Variants in PIK3C2G observed in about 807,000 individuals in gnomAD.
The protein encoded by PIK3C2G is phosphatidylinositol 3-kinase C2 domain-containing subunit gamma.
Under a neutral mutation model 181.1 loss-of-function variants are expected in PIK3C2G, and 168 were observed. The ratio of observed to expected loss-of-function variants is 0.93; its 90% CI spans 0.82 to 1.05. The LOEUF is 1.05. Ranked by LOEUF, PIK3C2G falls within the 50% of genes least tolerant of loss-of-function variation. The pLI is 0.00. For missense variants in PIK3C2G, 1,869 were observed against 1,732.8 expected, an observed-to-expected ratio of 1.08 and a Z score of -1.40; for synonymous variants, 573 against 592.2, an observed-to-expected ratio of 0.97 and a Z score of 0.47.
intron 8 of PIK3C2G, among the ~76,000 whole-genome samples, chr12:18,337,571 T>C (rs1484913027): frequency 6.6e-6 from 1 of 152,138 alleles, no homozygotes; most frequent in Non-Finnish European, 1.5e-5. Flanking sequence ...AAGCTTGCAA[T>C]CATAGCAGAA....
intron 11 of PIK3C2G, among the ~76,000 whole-genome samples, chr12:18,348,347 T>TGTGC (rs1428385652): frequency 4.3e-4 from 65 of 152,082 alleles, no homozygotes; most frequent in African/African-American, 1.4e-3. Flanking sequence ...TGTGTGTGTG[T>TGTGC]GCGTATGAAT....
chr12:18,350,213 T>C (rs1247170325), intron 11 of PIK3C2G, among the ~76,000 whole-genome samples: 1 of 152,124 alleles, frequency 6.6e-6, no homozygotes, highest in Non-Finnish European at 1.5e-5. Context: ...TAGACAATTC[T>C]TAAAATGATT....
chr12:18,417,930 T>C (rs1483923304), intron 16 of PIK3C2G, among the ~76,000 whole-genome samples: 1 of 152,130 alleles, frequency 6.6e-6, no homozygotes, highest in Non-Finnish European at 1.5e-5. Context: ...GGAATTTATA[T>C]GAGTGGTATT....
rs998171925 is a variant in PIK3C2G at position 18,293,811 on chromosome 12, A to T, written c.920-90A>T. Reference sequence around the variant, plus strand: ...AGCTAGACAGTTACAATCCTTCATAATGTGTTGGTCATATTTTGTGCTCAA... The same window carrying T: ...AGCTAGACAGTTACAATCCTTCATATTGTGTTGGTCATATTTTGTGCTCAA... On this transcript the variant is annotated intron_variant, in intron 4 of 32. Coordinates refer to ENST00000538779, the MANE Select transcript of PIK3C2G (RefSeq NM_001288772.2). 9 of 679,770 alleles carry T rather than the reference A, an allele frequency of 1.3e-5. No homozygotes were observed. The African/African-American group carries it at 1.6e-4, about 12-fold the overall frequency. 42.1% of individuals were successfully genotyped at this position (679,770 alleles called of 1,614,324 possible).
chr12:18,655,912 T>C, the PIK3C2G span, among the ~76,000 whole-genome samples: 1 of 152,174 alleles, frequency 6.6e-6, no homozygotes, highest in African/African-American at 2.4e-5. Flanking sequence ...CTCTATGTAA[T>C]GTGGTACCCT....
At chr12:18,518,320 C>T (rs997991664) in intron 24 of PIK3C2G, among the ~76,000 whole-genome samples, 5 of 152,134 alleles carry the variant, frequency 3.3e-5, no homozygotes, top group Admixed American at 2.0e-4. Context: ...GTATCAGCTC[C>T]TCTTTGTACC....
rs966600863 is a variant in PIK3C2G, at chr12:18,427,782, G to GA, written c.2504+3753dup. 7.0e-4 allele frequency among the ~76,000 whole-genome samples: 103 copies of GA among 146,918 alleles called. 1 individual carries two copies. The highest frequency in any genetic ancestry group is 1.6e-3 in the Admixed American group (24 of 14,788). Reference sequence around the variant, plus strand: ...TTTTGTGTATAATTCTCATCCTTTCGAAAAAAAAAATCAAGCCCATTTTTC... The same window carrying GA: ...TTTTGTGTATAATTCTCATCCTTTCGAAAAAAAAAAATCAAGCCCATTTTTC... On this transcript the variant is annotated intron_variant, in intron 18 of 32. Transcript: ENST00000538779.
At chr12:18,635,695 T>A (rs750189661) in intron 31 of PIK3C2G, among the ~76,000 whole-genome samples, 14 of 152,212 alleles carry the variant, frequency 9.2e-5, no homozygotes, top group African/African-American at 4.8e-5. Flanking sequence ...TTAGATCTAC[T>A]GGATCATGTA....
chr12:18,444,011 A>T (rs539786353), intron 18 of PIK3C2G, among the ~76,000 whole-genome samples: 1 of 152,324 alleles, frequency 6.6e-6, no homozygotes, highest in South Asian at 2.1e-4. Flanking sequence ...AGTGTATTTT[A>T]TCTGGCAAGA....
intron 24 of PIK3C2G, among the ~76,000 whole-genome samples, chr12:18,531,088 A>G (rs1943530239): frequency 6.6e-6 from 1 of 151,926 alleles, no homozygotes; most frequent in Non-Finnish European, 1.5e-5. Flanking sequence ...ATGTATCATC[A>G]CCCTCTAGTT....
At chr12:18,553,030 C>T (rs761063047) in intron 26 of PIK3C2G, among the ~76,000 whole-genome samples, 6 of 151,942 alleles carry the variant, frequency 3.9e-5, no homozygotes, top group African/African-American at 1.4e-4. Context: ...GTCCAGATGG[C>T]GCTGTTTCCC....
chr12:18,644,656 G>T (rs1950022652), intron 32 of PIK3C2G, among the ~76,000 whole-genome samples: 1 of 152,078 alleles, frequency 6.6e-6, no homozygotes, highest in Non-Finnish European at 1.5e-5. Flanking sequence ...ATTTCAACAT[G>T]ATGAAAATTG....
intron 5 of PIK3C2G, among the ~76,000 whole-genome samples, chr12:18,307,820 G>A (rs2137353796): frequency 2.0e-5 from 3 of 151,326 alleles, no homozygotes; most frequent in Admixed American, 2.0e-4. Context: ...TTATCACGTA[G>A]GCCACAGAAG....
intron 24 of PIK3C2G, among the ~76,000 whole-genome samples, chr12:18,530,094 A>G (rs888283278): frequency 1.3e-5 from 2 of 152,032 alleles, no homozygotes; most frequent in Non-Finnish European, 2.9e-5. Context: ...AACAATTGGC[A>G]CCCTAACCTC....
chr12:18,647,400 T>A (rs929984578), intron 32 of PIK3C2G, among the ~76,000 whole-genome samples: 6 of 150,944 alleles, frequency 4.0e-5, no homozygotes, highest in Non-Finnish European at 7.4e-5. Flanking sequence ...CACAGCATCA[T>A]GCAATATACC....
intron 6 of PIK3C2G, among the ~76,000 whole-genome samples, chr12:18,317,602 C>T (rs548907434): frequency 6.6e-6 from 1 of 152,154 alleles, no homozygotes; most frequent in Admixed American, 6.5e-5. Flanking sequence ...AAAATATGGC[C>T]AGCTCTAAAA....
intron 8 of PIK3C2G, among the ~76,000 whole-genome samples, chr12:18,330,344 C>T (rs1937800126): frequency 6.6e-6 from 1 of 152,038 alleles, no homozygotes; most frequent in Non-Finnish European, 1.5e-5. Flanking sequence ...TTTCATACAC[C>T]AAAAATTTAT....
chr12:18,264,521 A>C (rs770085040), intron 1 of PIK3C2G, among the ~76,000 whole-genome samples: 2 of 151,914 alleles, frequency 1.3e-5, no homozygotes, highest in Non-Finnish European at 2.9e-5. Context: ...TGTTTTGTTG[A>C]GTATTGGCTT....
intron 24 of PIK3C2G, among the ~76,000 whole-genome samples, chr12:18,525,393 CA>C (rs112082392): frequency 0.056 from 8,199 of 145,462 alleles, 565 homozygotes; most frequent in African/African-American, 0.16. Flanking sequence ...AACCCCATCT[CA>C]AAAAAAAAAA....
Sources: gnomAD v4.1 joint callset for allele counts (sites outside exome capture counted in the v4.1 genomes callset) on GRCh38, gnomAD v4.1.1 for gene constraint, MANE v1.5 for transcripts, NCBI Gene and HGNC (gene_info 2026-07-23, HGNC 2026-07-21) for gene names.